The following PBLD variants were observed in gnomAD, a reference collection of about 807,000 sequenced individuals.
PBLD encodes phenazine biosynthesis-like domain-containing protein.
In PBLD, 26 loss-of-function variants were observed where a neutral mutation model predicts 31.3. The observed-to-expected ratio is 0.83, with a 90% CI of 0.61 to 1.15. PBLD has a LOEUF of 1.15. Among genes scored for constraint, PBLD ranks in the 50% most tolerant of loss-of-function variants. The pLI, the probability that PBLD is intolerant of heterozygous loss-of-function variation, is 0.00. For synonymous variants in PBLD, 114 were observed against 129.0 expected (o/e 0.88, Z 0.79); for missense variants, 307 against 351.7 (o/e 0.87, Z 1.02).
chr10:68,284,582 G>A (rs1354901699), intron 9 of PBLD, among the ~76,000 whole-genome samples: 1 of 152,054 alleles, frequency 6.6e-6, no homozygotes, highest in Non-Finnish European at 1.5e-5. Flanking sequence ...CCCACTCATC[G>A]CTTCTTCCCC....
At chr10:68,302,484 G>A (rs910275016) in intron 2 of PBLD, among the ~76,000 whole-genome samples, 2 of 152,156 alleles carry the variant, frequency 1.3e-5, no homozygotes, top group African/African-American at 4.8e-5. Flanking sequence ...TAAGGTTCCA[G>A]TAAATTCAAC....
chr10:68,327,497 G>T (rs2044941454), intron 1 of PBLD, among the ~76,000 whole-genome samples: 1 of 151,772 alleles, frequency 6.6e-6, no homozygotes, highest in African/African-American at 2.4e-5. Flanking sequence ...GATCAACATG[G>T]TGAAACCCCG....
At chr10:68,311,666 C>A (rs931249451) in intron 1 of PBLD, among the ~76,000 whole-genome samples, 1 of 148,034 alleles carries the variant, frequency 6.8e-6, no homozygotes, top group Admixed American at 7.0e-5. Flanking sequence ...GCAGGAGGAG[C>A]GCTTGAACCC....
Position 68,321,283 on chromosome 10 carries a change from T to G in PBLD, c.-60+11501A>C, listed in dbSNP as rs186810875. ...GTAGCTGGAGATTTCAATGCCTACT[T>G]TCAACAGTGGATGAAACAGCTAGAC... On this transcript the variant is annotated intron_variant, in intron 1 of 9. Coordinates refer to ENST00000358769, the MANE Select transcript of PBLD (RefSeq NM_022129.4). Among the ~76,000 whole-genome samples the G allele has an allele frequency of 3.9e-3, 590 of 152,246 alleles. 7 individuals carry two copies. The highest frequency in any genetic ancestry group is 0.024 in the Middle Eastern group (7 of 294).
chr10:68,317,998 T>C (rs1011717119), intron 1 of PBLD, among the ~76,000 whole-genome samples: 9 of 151,546 alleles, frequency 5.9e-5, no homozygotes, highest in East Asian at 3.9e-4. Flanking sequence ...GTGGCCAAGG[T>C]GGGCAGATCA....
intron 9 of PBLD, chr10:68,285,116 A>G: frequency 7.5e-7 from 1 of 1,327,166 alleles, no homozygotes; most frequent in Non-Finnish European, 9.6e-7. Context: ...ACAAACACTT[A>G]TTGGGCAGTT....
At chr10:68,307,417 T>C (rs2044596520) in intron 1 of PBLD, among the ~76,000 whole-genome samples, 1 of 152,206 alleles carries the variant, frequency 6.6e-6, no homozygotes, top group Non-Finnish European at 1.5e-5. Context: ...TATTGACTTT[T>C]CATATTATAC....
intron 1 of PBLD, among the ~76,000 whole-genome samples, chr10:68,316,096 G>A (rs546208648): frequency 2.1e-4 from 32 of 152,180 alleles, no homozygotes; most frequent in Non-Finnish European, 4.3e-4. Context: ...AAACAAGAAA[G>A]TATACCATAC....
intron 2 of PBLD, among the ~76,000 whole-genome samples, chr10:68,300,053 G>A (rs1217603371): frequency 6.6e-6 from 1 of 151,990 alleles, no homozygotes; most frequent in South Asian, 2.1e-4. Context: ...ACCATGCCCA[G>A]CTAATTTTTT....
At chr10:68,288,366 A>T (rs1332393884) in intron 8 of PBLD, 117 bp downstream of exon 8, 2 of 1,108,110 alleles carry the variant, frequency 1.8e-6, no homozygotes, top group Non-Finnish European at 2.6e-6. Flanking sequence ...AAGATAGAGG[A>T]ACAAGGCAGC....
At chr10:68,295,065 C>A (rs1184933443) in intron 4 of PBLD, among the ~76,000 whole-genome samples, 2 of 152,190 alleles carry the variant, frequency 1.3e-5, no homozygotes, top group African/African-American at 4.8e-5. Flanking sequence ...TCTGTCCCAT[C>A]CCCACAAGGC....
At chr10:68,296,412 C>G in intron 3 of PBLD, 48 bp from the exon 4 acceptor site, 2 of 1,381,000 alleles carry the variant, frequency 1.4e-6, no homozygotes, top group Non-Finnish European at 2.0e-6. Flanking sequence ...CCCATGCAAG[C>G]AGGTCACAGA....
At chr10:68,284,389 C>A (rs2044262151) in intron 9 of PBLD, 100 bp from the exon 10 acceptor site, 10 of 992,294 alleles carry the variant, frequency 1.0e-5, no homozygotes, top group Non-Finnish European at 1.5e-5. Context: ...CCTCCCAGAT[C>A]AGTTTCAAGA....
Position 68,296,918 on chromosome 10 carries a change from C to A in PBLD, c.152G>T (p.Arg51Leu), listed in dbSNP as rs751231804. ...EMNLSETAFI[R>L]KLHPTDNFAQ... Reference sequence around the variant, plus strand: ...AAAGTTGTCTGTCGGGTGCAGTTTTCGGATAAAAGCAGTTTCAGAGAGGTT... The same window carrying A: ...AAAGTTGTCTGTCGGGTGCAGTTTTAGGATAAAAGCAGTTTCAGAGAGGTT... Residue 51 changes from arginine (R) to leucine (L), a missense_variant, in exon 3 of 10, where the codon CGA becomes CTA. Arg to Leu is a moderately radical substitution (Grantham distance 102). Coordinates refer to ENST00000358769, the MANE Select transcript of PBLD (RefSeq NM_022129.4). 3 of 1,613,634 alleles carry A rather than the reference C, an allele frequency of 1.9e-6. No individual in the cohort carries two copies. Among genetic ancestry groups the A allele is most frequent in the East Asian group, 2.2e-5 (1 of 44,878 alleles).
Position 68,285,426 on chromosome 10 carries a change from A to C in PBLD, c.692-16T>G, listed in dbSNP as rs1027380604. On this transcript the variant is annotated splice_polypyrimidine_tract_variant and intron_variant, in intron 8 of 9. Coordinates refer to ENST00000358769, the MANE Select transcript of PBLD (RefSeq NM_022129.4). ...TGTGCAGACCCTCAAAAGAAGTGAA[A>C]AGTTAGGAGACAATCCCCAAGAAAA... 11 of 1,588,404 alleles carry C rather than the reference A, an allele frequency of 6.9e-6. No homozygotes were observed. In the African/African-American group the frequency reaches 1.5e-4, roughly 22 times the overall value.
At position 68,282,672 on chromosome 10, in the gene PBLD, T is replaced by C. The variant is rs2044245594; in HGVS notation, c.*1505A>G. ...TTAAGGCATTAAAGCTGGTGAATTA[T>C]TGATTTATTGCACATCAGGAGAAAC... On this transcript the variant is annotated 3_prime_UTR_variant, in exon 10 of 10. Transcript: ENST00000358769. The C allele has an allele frequency of 1.3e-5, 2 of 152,312 alleles. No individual in the cohort carries two copies. The highest frequency in any genetic ancestry group is 4.1e-4 in the South Asian group (2 of 4,832). 9.4% of individuals were successfully genotyped at this position (152,312 alleles called of 1,614,324 possible). A position where few individuals can be genotyped will look rare whatever the true frequency, so the allele number is the denominator to read the frequency against.
chr10:68,297,138 T>A, intron 2 of PBLD, 153 bp from the exon 3 acceptor site: 2 of 647,676 alleles, frequency 3.1e-6, no homozygotes, highest in East Asian at 2.7e-5. Flanking sequence ...GGCACTTTTA[T>A]AAAGATTGGT....
At chr10:68,317,070 G>A (rs1427916164) in intron 1 of PBLD, among the ~76,000 whole-genome samples, 2 of 152,120 alleles carry the variant, frequency 1.3e-5, no homozygotes, top group African/African-American at 4.8e-5. Flanking sequence ...AACTCATCAT[G>A]TAAAATGGAC....
intron 1 of PBLD, among the ~76,000 whole-genome samples, chr10:68,315,114 T>A (rs533269296): frequency 3.3e-5 from 5 of 152,034 alleles, no homozygotes; most frequent in Non-Finnish European, 7.4e-5. Context: ...TTGACCTGAG[T>A]CAAAGCTCAC....
Sources: gnomAD v4.1 joint callset for allele counts (sites outside exome capture counted in the v4.1 genomes callset) on GRCh38, gnomAD v4.1.1 for gene constraint, MANE v1.5 for transcripts, NCBI Gene and HGNC (gene_info 2026-07-23, HGNC 2026-07-21) for gene names.